The following SLC35D4 variants were observed in gnomAD, a reference collection of about 807,000 sequenced individuals.
The protein encoded by SLC35D4 is UDP-N-acetylglucosamine transporter SLC35D4.
At chr18:23,425,784 T>A in the SLC35D4 span, among the ~76,000 whole-genome samples, 3 of 152,172 alleles carry the variant, frequency 2.0e-5, no homozygotes, top group Admixed American at 2.0e-4. Context: ...ATATTAACAA[T>A]CATATACAGA....
At chr18:23,365,106 T>C in the SLC35D4 span, among the ~76,000 whole-genome samples, 2 of 152,192 alleles carry the variant, frequency 1.3e-5, no homozygotes, top group East Asian at 3.9e-4. Context: ...GCTAGTATTT[T>C]ATTTGAGGTT....
At chr18:23,340,424 G>C in the SLC35D4 span, among the ~76,000 whole-genome samples, 1 of 152,166 alleles carries the variant, frequency 6.6e-6, no homozygotes, top group Non-Finnish European at 1.5e-5. Flanking sequence ...TTTTAGGGAA[G>C]GGATAGGGGA....
the SLC35D4 span, chr18:23,260,456 CTG>C: frequency 1.3e-5 from 2 of 152,300 alleles, no homozygotes; most frequent in African/African-American, 4.8e-5. Context: ...GCAAATAAAA[CTG>C]TTGAATGCTC....
the SLC35D4 span, among the ~76,000 whole-genome samples, chr18:23,313,126 CAAAAAAAAAAAAAAAA>C: frequency 2.5e-3 from 73 of 29,492 alleles, 1 homozygote; most frequent in African/African-American, 7.4e-3. Flanking sequence ...GACTACATCT[CAAAAAAAAAAAAAAAA>C]AAAAAAAAAA....
chr18:23,308,876 C>CTCTGTG, the SLC35D4 span, among the ~76,000 whole-genome samples: 23 of 140,102 alleles, frequency 1.6e-4, no homozygotes, highest in African/African-American at 3.8e-4. Context: ...CTCTCTCTCT[C>CTCTGTG]TGTGTGTGTG....
At chr18:23,332,190 T>C in the SLC35D4 span, among the ~76,000 whole-genome samples, 1 of 152,184 alleles carries the variant, frequency 6.6e-6, no homozygotes, top group Middle Eastern at 3.4e-3. Flanking sequence ...CCACCACACT[T>C]GGCCTTGAAC....
the SLC35D4 span, among the ~76,000 whole-genome samples, chr18:23,422,161 G>A: frequency 6.6e-6 from 1 of 152,092 alleles, no homozygotes; most frequent in South Asian, 2.1e-4. Flanking sequence ...AGATTTGGGG[G>A]TATATATGCT....
chr18:23,352,824 T>C, the SLC35D4 span, among the ~76,000 whole-genome samples: 1 of 152,242 alleles, frequency 6.6e-6, no homozygotes, highest in Admixed American at 6.5e-5. Flanking sequence ...GAGGTATGCT[T>C]TGGAAATGGT....
the SLC35D4 span, among the ~76,000 whole-genome samples, chr18:23,304,055 T>TA: frequency 0.88 from 126,266 of 142,918 alleles, 55,854 homozygotes; most frequent in East Asian, 0.98. Flanking sequence ...GTGTTTAAAT[T>TA]AAAAAAAAAA....
chr18:23,289,576 C>A, the SLC35D4 span, among the ~76,000 whole-genome samples: 1 of 152,104 alleles, frequency 6.6e-6, no homozygotes, highest in East Asian at 1.9e-4. Flanking sequence ...TCCATACCAC[C>A]CCCAAAATTT....
the SLC35D4 span, among the ~76,000 whole-genome samples, chr18:23,425,331 C>T: frequency 1.3e-5 from 2 of 152,128 alleles, no homozygotes; most frequent in Non-Finnish European, 2.9e-5. Flanking sequence ...AAACTCCTGG[C>T]CTCAAGAGAT....
chr18:23,239,535 G>A, the SLC35D4 span, among the ~76,000 whole-genome samples: 6 of 152,198 alleles, frequency 3.9e-5, no homozygotes, highest in East Asian at 1.9e-4. Context: ...GTTACAGGCC[G>A]TTTCTCATGC....
the SLC35D4 span, among the ~76,000 whole-genome samples, chr18:23,256,464 T>C: frequency 1.3e-5 from 2 of 152,224 alleles, no homozygotes; most frequent in Non-Finnish European, 2.9e-5. Context: ...TTTATTGTCG[T>C]GCGTGGTTTG....
At chr18:23,324,920 T>A in the SLC35D4 span, among the ~76,000 whole-genome samples, 1 of 152,186 alleles carries the variant, frequency 6.6e-6, no homozygotes, top group Non-Finnish European at 1.5e-5. Context: ...TAGCAACATA[T>A]TTTAAAAGTC....
the SLC35D4 span, among the ~76,000 whole-genome samples, chr18:23,279,156 A>G: frequency 6.6e-6 from 1 of 152,118 alleles, no homozygotes; most frequent in South Asian, 2.1e-4. Context: ...ACAGCTTCCA[A>G]CTTCAAACTT....
the SLC35D4 span, among the ~76,000 whole-genome samples, chr18:23,314,955 G>A: frequency 6.6e-6 from 1 of 152,208 alleles, no homozygotes; most frequent in African/African-American, 2.4e-5. Flanking sequence ...AGCAGATCAG[G>A]TTTGTTTTTC....
At chr18:23,277,068 C>T in the SLC35D4 span, among the ~76,000 whole-genome samples, 1 of 152,170 alleles carries the variant, frequency 6.6e-6, no homozygotes, top group East Asian at 1.9e-4. Context: ...TGCTGGGCAG[C>T]TCAGCTGGTC....
chr18:23,340,834 G>A, the SLC35D4 span, among the ~76,000 whole-genome samples: 3 of 152,204 alleles, frequency 2.0e-5, no homozygotes, highest in East Asian at 3.9e-4. Context: ...AAGCTTCTCC[G>A]CCCCTTGCTC....
chr18:23,357,533 C>T, the SLC35D4 span, among the ~76,000 whole-genome samples: 6 of 152,240 alleles, frequency 3.9e-5, no homozygotes, highest in Admixed American at 1.3e-4. Flanking sequence ...CCTGGTCTTC[C>T]AGACCCCTGG....
Sources: allele counts gnomAD v4.1 joint callset (sites outside exome capture counted in the v4.1 genomes callset), GRCh38; gene constraint gnomAD v4.1.1; transcripts MANE v1.5; gene names NCBI Gene and HGNC (gene_info 2026-07-23, HGNC 2026-07-21).